The following ALK variants were observed in gnomAD, a reference collection of about 807,000 sequenced individuals.
ALK encodes ALK receptor tyrosine kinase.
ALK carries 74 observed loss-of-function variants against 163.1 expected under a neutral mutation model. The observed-to-expected ratio is 0.45, with a 90% CI of 0.38 to 0.55. The LOEUF (loss-of-function observed/expected upper bound fraction) is 0.55. ALK is among the 20% of genes least tolerant of loss of function. The pLI is 0.00. For synonymous variants in ALK, 960 were observed against 843.2 expected, an observed-to-expected ratio of 1.14 and a Z score of -2.40; for missense variants, 2,063 against 2,105.3, an observed-to-expected ratio of 0.98 and a Z score of 0.39.
At chr2:29,919,927 T>C in intron 1 of ALK, 66 bp downstream of exon 1, 1 of 1,569,308 alleles carries the variant, frequency 6.4e-7, no homozygotes, top group Non-Finnish European at 8.7e-7. Context: ...GAAGATTATT[T>C]AATGGTTGCA....
chr2:29,628,821 T>C (rs1676272692), intron 3 of ALK, among the ~76,000 whole-genome samples: 1 of 151,906 alleles, frequency 6.6e-6, no homozygotes, highest in African/African-American at 2.4e-5. Context: ...GACAACTCTG[T>C]AAGAAAAAAA....
intron 1 of ALK, among the ~76,000 whole-genome samples, chr2:29,905,375 G>A (rs1037675482): frequency 5.9e-5 from 9 of 152,128 alleles, no homozygotes; most frequent in African/African-American, 2.2e-4. Flanking sequence ...GGTTATCCAG[G>A]CTGTCATTTT....
At chr2:29,742,302 A>G (rs1680084279) in intron 1 of ALK, among the ~76,000 whole-genome samples, 1 of 152,222 alleles carries the variant, frequency 6.6e-6, no homozygotes, top group South Asian at 2.1e-4. Flanking sequence ...CACAGTAGGT[A>G]TGGGCGAATG....
intron 1 of ALK, among the ~76,000 whole-genome samples, chr2:29,885,227 T>A (rs182706667): frequency 6.6e-6 from 1 of 152,180 alleles, no homozygotes; most frequent in Admixed American, 6.5e-5. Context: ...AGTTCAACAA[T>A]GAAGGCACTG....
intron 1 of ALK, among the ~76,000 whole-genome samples, chr2:29,840,586 G>A (rs72788264): frequency 0.18 from 26,654 of 151,962 alleles, 2,594 homozygotes; most frequent in African/African-American, 0.23. Flanking sequence ...ATCTTTCTAT[G>A]TCTCTTTTCA....
rs1266594689 is a variant in ALK, at chr2:29,920,896, A to G, written c.-237T>C. 1.8e-6 allele frequency: 1 copy of G among 559,712 alleles called. No homozygotes were observed. The allele number at this position is 559,712 out of a possible 1,614,324, so 34.7% of individuals were successfully genotyped here. On this transcript the variant is annotated 5_prime_UTR_variant, in exon 1 of 29. Transcript: ENST00000389048. ...GGCGAGTCCAGAGACACTCAAGCACACTGGGCTCACTGGCTGGGACCTTGA... is the reference window on the plus strand; with the variant it reads ...GGCGAGTCCAGAGACACTCAAGCACGCTGGGCTCACTGGCTGGGACCTTGA...
At chr2:29,798,229 T>C (rs1664372455) in intron 1 of ALK, among the ~76,000 whole-genome samples, 1 of 152,208 alleles carries the variant, frequency 6.6e-6, no homozygotes, top group Admixed American at 6.5e-5. Flanking sequence ...TCTCTTTGTG[T>C]GTGTGAGAGA....
At chr2:29,240,356 A>G (rs893048262) in intron 12 of ALK, among the ~76,000 whole-genome samples, 4 of 152,170 alleles carry the variant, frequency 2.6e-5, no homozygotes, top group Admixed American at 6.5e-5. Flanking sequence ...CTCCTAGCCT[A>G]CATGTGCTAT....
chr2:29,559,762 C>A (rs999173564), intron 3 of ALK, among the ~76,000 whole-genome samples: 11 of 75,282 alleles, frequency 1.5e-4, no homozygotes, highest in Admixed American at 1.4e-3. Context: ...CACAGGGGAG[C>A]ATGTACGTGT....
chr2:29,214,116 G>C (rs761491655), intron 23 of ALK, 35 bp from the exon 24 acceptor site: 4 of 1,560,064 alleles, frequency 2.6e-6, no homozygotes, highest in South Asian at 2.2e-5. Flanking sequence ...CTGACGAGGA[G>C]CTTGTCAGTG....
At chr2:29,724,802 G>A (rs1156342355) in intron 1 of ALK, among the ~76,000 whole-genome samples, 2 of 152,048 alleles carry the variant, frequency 1.3e-5, no homozygotes, top group Non-Finnish European at 2.9e-5. Context: ...TGTCAAGGGC[G>A]GAATTTGGAT....
At chr2:29,506,365 G>A (rs1474800597) in intron 4 of ALK, among the ~76,000 whole-genome samples, 5 of 152,158 alleles carry the variant, frequency 3.3e-5, no homozygotes, top group Non-Finnish European at 7.4e-5. Flanking sequence ...AATAGAAGGC[G>A]ATTAGAGAAT....
intron 1 of ALK, among the ~76,000 whole-genome samples, chr2:29,724,483 A>G (rs1679511856): frequency 6.6e-6 from 1 of 152,160 alleles, no homozygotes; most frequent in South Asian, 2.1e-4. Context: ...GGTATTCACT[A>G]GGCTGAGCCT....
chr2:29,402,804 G>A (rs1036868251), intron 4 of ALK, among the ~76,000 whole-genome samples: 4 of 152,130 alleles, frequency 2.6e-5, no homozygotes, highest in Non-Finnish European at 4.4e-5. Context: ...TAGCCTCTTG[G>A]AGGGTTCTCT....
intron 3 of ALK, among the ~76,000 whole-genome samples, chr2:29,646,857 T>C (rs1374181477): frequency 3.3e-5 from 5 of 152,200 alleles, no homozygotes; most frequent in African/African-American, 1.2e-4. Flanking sequence ...ACTTATTTAC[T>C]TTCAACATAT....
intron 4 of ALK, among the ~76,000 whole-genome samples, chr2:29,507,871 C>T (rs1416871435): frequency 1.3e-5 from 2 of 152,202 alleles, no homozygotes; most frequent in Admixed American, 1.3e-4. Context: ...AAACCACCTA[C>T]TGATCATAAT....
At chr2:29,859,525 A>G (rs1213326241) in intron 1 of ALK, among the ~76,000 whole-genome samples, 2 of 152,214 alleles carry the variant, frequency 1.3e-5, no homozygotes, top group African/African-American at 4.8e-5. Context: ...GGATCAGGGG[A>G]GGCAATGAGA....
At chr2:29,234,957 C>T (rs1664328585) in intron 13 of ALK, among the ~76,000 whole-genome samples, 1 of 152,224 alleles carries the variant, frequency 6.6e-6, no homozygotes, top group Non-Finnish European at 1.5e-5. Context: ...AGGTGATCCG[C>T]CTGCCTTGGC....
chr2:29,623,220 G>A (rs893887140), intron 3 of ALK, among the ~76,000 whole-genome samples: 11 of 152,076 alleles, frequency 7.2e-5, no homozygotes, highest in Admixed American at 5.9e-4. Context: ...CTAGCCTAAG[G>A]AAATAATGTA....
Sources: allele counts gnomAD v4.1 joint callset (sites outside exome capture counted in the v4.1 genomes callset), GRCh38; gene constraint gnomAD v4.1.1; transcripts MANE v1.5; gene names NCBI Gene and HGNC (gene_info 2026-07-23, HGNC 2026-07-21).